The following MYO9A variants were observed in gnomAD, a reference collection of about 807,000 sequenced individuals.
MYO9A encodes the protein myosin IXA, also known as unconventional myosin-IXa.
Under a neutral mutation model 293.3 loss-of-function variants are expected in MYO9A, and 103 were observed. That is an observed-to-expected ratio of 0.35 (90% CI 0.30 to 0.41). The LOEUF (loss-of-function observed/expected upper bound fraction) is 0.41. Among genes scored for constraint, MYO9A ranks in the 10% least tolerant of loss-of-function variants. The pLI is 1.00. For synonymous variants in MYO9A, 1,001 were observed against 1,035.7 expected (o/e 0.97, Z 0.64); for missense variants, 2,685 against 3,033.0 (o/e 0.89, Z 2.69).
chr15:72,047,774 C>CTTTTTTT (rs11397735), intron 1 of MYO9A, among the ~76,000 whole-genome samples: 1,370 of 74,360 alleles, frequency 0.018, 131 homozygotes, highest in East Asian at 0.049. Flanking sequence ...CAGTTACTTC[C>CTTTTTTT]TTTTTTTTTT....
intron 16 of MYO9A, 35 bp downstream of exon 16, chr15:71,938,817 A>C (rs1308705307): frequency 2.6e-6 from 4 of 1,517,046 alleles, no homozygotes; most frequent in Non-Finnish European, 3.6e-6. Flanking sequence ...TATTTCTTCT[A>C]TACGTCCTTG....
intron 35 of MYO9A, among the ~76,000 whole-genome samples, chr15:71,853,363 G>A (rs532466839): frequency 2.6e-5 from 4 of 152,310 alleles, no homozygotes; most frequent in East Asian, 3.9e-4. Flanking sequence ...ACCTTCACCC[G>A]TTTCACTTAT....
At position 71,878,250 on chromosome 15, in the gene MYO9A, G is replaced by T. The variant is rs763499260; in HGVS notation, c.5740-19C>A. 3.4e-6 allele frequency: 5 copies of T among 1,480,794 alleles called. No homozygotes were observed. The highest frequency in any genetic ancestry group is 4.5e-6 in the Non-Finnish European group (5 of 1,110,258). The allele number at this position is 1,480,794 out of a possible 1,614,324, so 91.7% of individuals were successfully genotyped here. Reference sequence around the variant, plus strand: ...CATCCATCTATAAGCAATAAGAAAAGAAATGTATGGTTTTATAAAGAAACT... The same window carrying T: ...CATCCATCTATAAGCAATAAGAAAATAAATGTATGGTTTTATAAAGAAACT... On this transcript the variant is annotated intron_variant, in intron 30 of 41. Coordinates refer to ENST00000356056, the MANE Select transcript of MYO9A (RefSeq NM_006901.4).
At chr15:71,982,807 T>C (rs1251006861) in intron 11 of MYO9A, among the ~76,000 whole-genome samples, 2 of 152,234 alleles carry the variant, frequency 1.3e-5, no homozygotes, top group African/African-American at 4.8e-5. Context: ...TTATTCATTA[T>C]TGCTTTATAT....
chr15:71,993,316 C>CTCCA (rs2076594492), intron 10 of MYO9A, among the ~76,000 whole-genome samples: 1 of 151,886 alleles, frequency 6.6e-6, no homozygotes, highest in African/African-American at 2.4e-5. Flanking sequence ...TACCACTGTA[C>CTCCA]TCCAGCTTGG....
chr15:72,078,541 C>G (rs1167283691), intron 1 of MYO9A, among the ~76,000 whole-genome samples: 1 of 149,748 alleles, frequency 6.7e-6, no homozygotes, highest in Non-Finnish European at 1.5e-5. Flanking sequence ...AAATCAGACA[C>G]AGTGGCACAT....
At chr15:71,846,351 A>T (rs1171804487) in intron 39 of MYO9A, among the ~76,000 whole-genome samples, 1 of 152,178 alleles carries the variant, frequency 6.6e-6, no homozygotes, top group Non-Finnish European at 1.5e-5. Context: ...TCTCAACATC[A>T]GGGGAGAAAG....
intron 39 of MYO9A, among the ~76,000 whole-genome samples, chr15:71,846,365 C>CAAGA (rs1259648457): frequency 6.6e-6 from 1 of 152,094 alleles, no homozygotes; most frequent in Non-Finnish European, 1.5e-5. Context: ...GAGAAAGGGT[C>CAAGA]AAGAAAGACG....
intron 2 of MYO9A, among the ~76,000 whole-genome samples, chr15:72,040,707 TACA>T (rs1008787668): frequency 9.9e-5 from 15 of 152,138 alleles, no homozygotes; most frequent in Non-Finnish European, 4.4e-5. Context: ...CGGTATTTTC[TACA>T]ACAATATTTT....
Position 71,899,961 on chromosome 15 carries a change from C to T in MYO9A, c.3196G>A (p.Ala1066Thr), listed in dbSNP as rs369826034. 7.4e-6 allele frequency: 12 copies of T among 1,613,224 alleles called. No individual in the cohort carries two copies. The highest frequency in any genetic ancestry group is 1.3e-5 in the African/African-American group (1 of 74,918). Reference sequence around the variant, plus strand: ...ATAACAAAAGCATCCTTCTGCACAGCTGCATCTCTGACTTGCTTCTGATTT... The same window carrying T: ...ATAACAAAAGCATCCTTCTGCACAGTTGCATCTCTGACTTGCTTCTGATTT... ...YLNQKQVRDA[A>T]VQKDAFVMAS... Residue 1066 changes from alanine to threonine, a missense_variant, in exon 24 of 42, where the codon GCT (alanine) becomes ACT (threonine). Physicochemically the swap from Ala to Thr is moderately conservative, Grantham distance 58 (BLOSUM62 0). Coordinates refer to ENST00000356056, the MANE Select transcript of MYO9A (RefSeq NM_006901.4).
intron 39 of MYO9A, among the ~76,000 whole-genome samples, chr15:71,839,406 TTTTC>T (rs200104858): frequency 1.3e-5 from 2 of 151,912 alleles, no homozygotes; most frequent in Non-Finnish European, 2.9e-5. Flanking sequence ...CAGGTTTTTT[TTTTC>T]TTTCTTTCTT....
chr15:71,850,315 C>T (rs148220175), intron 37 of MYO9A, 148 bp from the exon 38 acceptor site: 3 of 905,458 alleles, frequency 3.3e-6, no homozygotes. Flanking sequence ...TAAGGGTCTG[C>T]AGACTTTTCC....
chr15:71,863,380 A>G (rs2056216227), intron 32 of MYO9A, among the ~76,000 whole-genome samples: 1 of 152,092 alleles, frequency 6.6e-6, no homozygotes, highest in Non-Finnish European at 1.5e-5. Flanking sequence ...GTATATATTC[A>G]TTAATTTATT....
chr15:71,825,053 A>G lies in MYO9A; in HGVS notation c.*1527T>C, dbSNP rs1045183815. ...GAGCAGTGCATGTAGTAGCAAGACA[A>G]GATGCATTTAGTAACTTTAAAAATA... On this transcript the variant is annotated 3_prime_UTR_variant, in exon 42 of 42. Transcript: ENST00000356056. 6.6e-6 allele frequency: 1 copy of G among 152,268 alleles called. No individual in the cohort carries two copies. Among genetic ancestry groups the G allele is most frequent in the Non-Finnish European group, 1.5e-5 (1 of 68,048 alleles). The allele number at this position is 152,268 out of a possible 1,614,324, so 9.4% of individuals were successfully genotyped here. A position where few individuals can be genotyped will look rare whatever the true frequency, so the allele number is the denominator to read the frequency against.
At chr15:72,058,941 A>C (rs2078801171) in intron 1 of MYO9A, among the ~76,000 whole-genome samples, 1 of 152,138 alleles carries the variant, frequency 6.6e-6, no homozygotes, top group African/African-American at 2.4e-5. Flanking sequence ...GTGTTATTAA[A>C]ATTTACTTTT....
chr15:71,874,247 C>A (rs191529576), intron 32 of MYO9A, among the ~76,000 whole-genome samples: 1 of 152,264 alleles, frequency 6.6e-6, no homozygotes, highest in Non-Finnish European at 1.5e-5. Flanking sequence ...GATTTATAAT[C>A]CTGAATATTA....
At chr15:71,945,978 AGAC>A (rs1411265163) in intron 15 of MYO9A, among the ~76,000 whole-genome samples, 1 of 152,214 alleles carries the variant, frequency 6.6e-6, no homozygotes, top group African/African-American at 2.4e-5. Context: ...CCATCTACTG[AGAC>A]AATCATATGT....
intron 1 of MYO9A, among the ~76,000 whole-genome samples, chr15:72,106,536 T>G (rs2080574850): frequency 6.6e-6 from 1 of 152,186 alleles, no homozygotes; most frequent in African/African-American, 2.4e-5. Flanking sequence ...AATCCTTTTT[T>G]TATATGGTTT....
chr15:71,968,040 T>A lies in MYO9A; in HGVS notation c.1930A>T (p.Met644Leu), dbSNP rs2075920424. ...DNSYIEFPAV[M>L]EPAFIIKHYA... The stretch of plus-strand genomic sequence containing the variant: ...TGTTTTATAATGAAAGCAGGCTCCA[T>A]CACGGCTGGAAATTCGATGTAAGAA... Residue 644 changes from methionine (M) to leucine (L), a missense_variant, in exon 13 of 42, where the codon ATG becomes TTG. Around this residue, in one of 10 missense-constraint regions of MYO9A, gnomAD observed 201 missense variants for 245.2 expected, o/e 0.82. Coordinates refer to ENST00000356056, the MANE Select transcript of MYO9A (RefSeq NM_006901.4). 3 of 1,612,516 alleles carry A rather than the reference T, an allele frequency of 1.9e-6. No homozygotes were observed. Among genetic ancestry groups the A allele is most frequent in the Admixed American group, 1.7e-5 (1 of 59,878 alleles).
Sources: allele counts gnomAD v4.1 joint callset (sites outside exome capture counted in the v4.1 genomes callset), GRCh38; gene constraint gnomAD v4.1.1; regional missense constraint gnomAD v4.1.1; transcripts MANE v1.5; gene names NCBI Gene and HGNC (gene_info 2026-07-23, HGNC 2026-07-21).